NUP98: variants seen among roughly 807,000 people sequenced by gnomAD.
NUP98 encodes nucleoporin 98 and 96 precursor, also known as nuclear pore complex protein Nup98-Nup96.
Under a neutral mutation model 191.9 loss-of-function variants are expected in NUP98, and 26 were observed. The observed-to-expected ratio is 0.14, with a 90% CI of 0.10 to 0.19. The LOEUF is 0.19. Ranked by LOEUF, NUP98 falls within the 10% of genes least tolerant of loss-of-function variation. NUP98 has a pLI of 1.00. For synonymous variants in NUP98, 808 were observed against 778.4 expected, an observed-to-expected ratio of 1.04 and a Z score of -0.63; for missense variants, 1,941 against 2,178.8, an observed-to-expected ratio of 0.89 and a Z score of 2.17.
chr11:3,738,326 A>G (rs1309792582), intron 12 of NUP98, among the ~76,000 whole-genome samples: 3 of 152,212 alleles, frequency 2.0e-5, no homozygotes, highest in Admixed American at 6.5e-5. Context: ...AAAACTTTCC[A>G]AAGAACAAAT....
intron 11 of NUP98, among the ~76,000 whole-genome samples, chr11:3,750,310 A>C (rs2080697713): frequency 6.6e-6 from 1 of 151,764 alleles, no homozygotes; most frequent in Non-Finnish European, 1.5e-5. Context: ...TAGTACAGAG[A>C]GGGTCTCCCT....
In NUP98 at chr11:3,675,033, T is replaced by C. The variant is rs2077763843; in HGVS notation, c.*1126A>G. The C allele has an allele frequency of 5.8e-6, 1 of 172,004 alleles. No homozygotes were observed. Among genetic ancestry groups the C allele is most frequent in the Non-Finnish European group, 1.3e-5 (1 of 79,478 alleles). 10.7% of individuals were successfully genotyped at this position (172,004 alleles called of 1,614,324 possible). A position where few individuals can be genotyped will look rare whatever the true frequency, so the allele number is the denominator to read the frequency against. On this transcript the variant is annotated 3_prime_UTR_variant, in exon 33 of 33. Coordinates refer to ENST00000324932, the MANE Select transcript of NUP98 (RefSeq NM_016320.5). ...AATACCAGGAATGCTATAAACATTT[T>C]ATTTATTTTTTAAGAAAGTAGCTTC...
intron 12 of NUP98, among the ~76,000 whole-genome samples, chr11:3,739,226 T>TA (rs1224227304): frequency 6.6e-6 from 1 of 151,924 alleles, no homozygotes; most frequent in Non-Finnish European, 1.5e-5. Flanking sequence ...CTAAAACCAA[T>TA]AAAAAATGAG....
At chr11:3,744,096 A>G (rs1020404897) in intron 12 of NUP98, among the ~76,000 whole-genome samples, 3 of 152,194 alleles carry the variant, frequency 2.0e-5, no homozygotes, top group Admixed American at 2.0e-4. Flanking sequence ...CAATAGATAA[A>G]ACTAAATTTA....
At chr11:3,725,475 GA>G (rs2079581498) in intron 14 of NUP98, among the ~76,000 whole-genome samples, 1 of 152,160 alleles carries the variant, frequency 6.6e-6, no homozygotes, top group African/African-American at 2.4e-5. Context: ...AAATCCCCTT[GA>G]AAACTGTCCT....
intron 2 of NUP98, among the ~76,000 whole-genome samples, 189 bp downstream of exon 2, chr11:3,781,853 A>C (rs2081980859): frequency 6.6e-6 from 1 of 152,286 alleles, no homozygotes; most frequent in South Asian, 2.1e-4. Flanking sequence ...AAGGCCATGA[A>C]AACTTAGAAT....
chr11:3,793,385 G>A (rs574795444), intron 1 of NUP98, among the ~76,000 whole-genome samples: 183 of 151,670 alleles, frequency 1.2e-3, no homozygotes, highest in African/African-American at 4.1e-3. Flanking sequence ...TGCCTCCTGG[G>A]TTCAAGCGAT....
chr11:3,778,217 AAAAG>A (rs1564919126), intron 4 of NUP98, among the ~76,000 whole-genome samples: 2 of 150,582 alleles, frequency 1.3e-5, no homozygotes, highest in Admixed American at 6.6e-5. Context: ...AAAAAAAAAA[AAAAG>A]AAAGAAAGAA....
intron 1 of NUP98, among the ~76,000 whole-genome samples, chr11:3,791,017 TTCC>T (rs2082319238): frequency 6.6e-6 from 1 of 151,888 alleles, no homozygotes; most frequent in Non-Finnish European, 1.5e-5. Flanking sequence ...TGCGTCAGCC[TTCC>T]GAGTAACTGG....
At chr11:3,710,261 C>T (rs1348453043) in intron 20 of NUP98, among the ~76,000 whole-genome samples, 3 of 152,184 alleles carry the variant, frequency 2.0e-5, no homozygotes, top group African/African-American at 7.2e-5. Context: ...GAACAAAATA[C>T]TCTGCAACTA....
chr11:3,699,061 A>G (rs778062077), intron 25 of NUP98, 21 bp downstream of exon 25: 2 of 1,609,878 alleles, frequency 1.2e-6, no homozygotes, highest in Non-Finnish European at 8.5e-7. Flanking sequence ...GGCGCAGAGA[A>G]GGACCATATG....
intron 18 of NUP98, among the ~76,000 whole-genome samples, chr11:3,717,023 A>G (rs752613264): frequency 1.3e-5 from 2 of 152,088 alleles, no homozygotes; most frequent in Non-Finnish European, 2.9e-5. Context: ...TTTTTCTTTG[A>G]CACGTGGTCT....
chr11:3,720,728 G>C lies in NUP98; in HGVS notation c.2244C>G (p.Phe748Leu). 6.4e-7 allele frequency: 1 copy of C among 1,573,122 alleles called. No individual in the cohort carries two copies. The highest frequency in any genetic ancestry group is 8.7e-7 in the Non-Finnish European group (1 of 1,149,410). ...NEKGECIVSD[F>L]TIGRKGYGSI... ...CACACTTACCTTTCCGACCAATAGTGAAATCAGAGACAATGCACTCTCCTT... is the reference window on the plus strand; with the variant it reads ...CACACTTACCTTTCCGACCAATAGTCAAATCAGAGACAATGCACTCTCCTT... The change falls in exon 17 of 33, where the codon TTC becomes TTG. Residue 748 changes from phenylalanine to leucine, a missense_variant. This residue lies in a region of NUP98 where 453 missense variants were observed against 438.2 expected (regional missense o/e 1.03). Transcript: ENST00000324932.
intron 22 of NUP98, 131 bp downstream of exon 22, chr11:3,705,069 C>G: frequency 2.4e-6 from 2 of 823,408 alleles, no homozygotes; most frequent in Non-Finnish European, 3.8e-6. Flanking sequence ...TCTTAGCACC[C>G]TTATGTCACA....
rs2077790683 is a variant in NUP98 at position 3,675,850 on chromosome 11, A to G, written c.*309T>C. Reference sequence around the variant, plus strand: ...CAAGATCCAGAATGGCTAGGGATGGAAAAAGAATACCCTGGTTCTTTGGGG... The same window carrying G: ...CAAGATCCAGAATGGCTAGGGATGGGAAAAGAATACCCTGGTTCTTTGGGG... On this transcript the variant is annotated 3_prime_UTR_variant, in exon 33 of 33. Transcript: ENST00000324932. 1 of 432,690 alleles carries G rather than the reference A, an allele frequency of 2.3e-6. No homozygotes were observed. Among genetic ancestry groups the G allele is most frequent in the Admixed American group, 4.0e-5 (1 of 24,966 alleles). 26.8% of individuals were successfully genotyped at this position (432,690 alleles called of 1,614,324 possible).
intron 1 of NUP98, among the ~76,000 whole-genome samples, chr11:3,789,110 T>C (rs1026962790): frequency 5.9e-5 from 9 of 152,140 alleles, no homozygotes; most frequent in South Asian, 2.1e-4. Context: ...ATCTGAACAA[T>C]AGGGATTGTA....
At chr11:3,764,485 G>GT (rs1378522615) in intron 8 of NUP98, among the ~76,000 whole-genome samples, 2 of 152,158 alleles carry the variant, frequency 1.3e-5, no homozygotes, top group African/African-American at 4.8e-5. Context: ...TCGTAACTCT[G>GT]TTTAACATTT....
At chr11:3,790,208 G>T (rs1320193602) in intron 1 of NUP98, among the ~76,000 whole-genome samples, 2 of 152,154 alleles carry the variant, frequency 1.3e-5, no homozygotes, top group African/African-American at 4.8e-5. Flanking sequence ...TTCCCTTCAC[G>T]AACAGACCAG....
rs146440626 is a variant in NUP98, at chr11:3,737,582, G to A, written c.1409-2258C>T. 5.7e-4 allele frequency among the ~76,000 whole-genome samples: 87 copies of A among 152,278 alleles called. No homozygotes were observed. In the East Asian group the frequency reaches 5.8e-3, roughly 10 times the overall value. On this transcript the variant is annotated intron_variant, in intron 12 of 32. Coordinates refer to ENST00000324932, the MANE Select transcript of NUP98 (RefSeq NM_016320.5). ...ACAGAGCTGGCAGTGAGCCAAGGTC[G>A]TGCCACTTCACTCTAGCCTAGGCGA... is the stretch of plus-strand genomic sequence containing the variant.
Sources: allele counts gnomAD v4.1 joint callset (sites outside exome capture counted in the v4.1 genomes callset), GRCh38; gene constraint gnomAD v4.1.1; regional missense constraint gnomAD v4.1.1; transcripts MANE v1.5; gene names NCBI Gene and HGNC (gene_info 2026-07-23, HGNC 2026-07-21).